Variants in SGCZ observed in about 807,000 individuals in gnomAD.
The protein encoded by SGCZ is sarcoglycan zeta, also known as zeta-sarcoglycan.
SGCZ carries 40 observed loss-of-function variants against 41.3 expected under a neutral mutation model. The ratio of observed to expected loss-of-function variants is 0.97; its 90% confidence interval spans 0.75 to 1.26. The LOEUF is 1.26. Among genes scored for constraint, SGCZ ranks in the 50% most tolerant of loss-of-function variants. SGCZ has a pLI of 0.00. For missense variants in SGCZ, 552 were observed against 369.8 expected (o/e 1.49, Z -4.04); for synonymous variants, 206 against 137.5 (o/e 1.50, Z -3.49).
At chr8:14,594,035 C>A (rs978941682) in intron 1 of SGCZ, among the ~76,000 whole-genome samples, 2 of 151,738 alleles carry the variant, frequency 1.3e-5, no homozygotes, top group Admixed American at 6.6e-5. Context: ...ATTAGCCAGG[C>A]GTGGTGGCAC....
chr8:14,675,079 T>C (rs1185257712), intron 1 of SGCZ, among the ~76,000 whole-genome samples: 2 of 151,192 alleles, frequency 1.3e-5, no homozygotes, highest in Non-Finnish European at 2.9e-5. Context: ...GCTGGGACTA[T>C]AGGCACCCGC....
At chr8:14,849,806 G>T (rs902850014) in intron 1 of SGCZ, among the ~76,000 whole-genome samples, 1 of 152,090 alleles carries the variant, frequency 6.6e-6, no homozygotes, top group African/African-American at 2.4e-5. Flanking sequence ...CAATAAAGTT[G>T]TTATAAGAAA....
At chr8:14,838,644 C>T (rs1051505261) in intron 1 of SGCZ, among the ~76,000 whole-genome samples, 1 of 152,180 alleles carries the variant, frequency 6.6e-6, no homozygotes, top group Non-Finnish European at 1.5e-5. Flanking sequence ...TTTTCCCTGG[C>T]TACTTTTGCC....
chr8:14,431,849 C>T (rs920093668), intron 2 of SGCZ, among the ~76,000 whole-genome samples: 2 of 151,880 alleles, frequency 1.3e-5, no homozygotes, highest in Non-Finnish European at 2.9e-5. Context: ...TAAAACAATC[C>T]CATCAAAAAG....
chr8:14,259,379 CT>C (rs1799573912), intron 3 of SGCZ, among the ~76,000 whole-genome samples: 1 of 151,522 alleles, frequency 6.6e-6, no homozygotes, highest in Admixed American at 6.6e-5. Flanking sequence ...ACATGAAGTC[CT>C]TGCCCATGCC....
chr8:14,909,283 C>G (rs957237435), intron 1 of SGCZ, among the ~76,000 whole-genome samples: 1 of 152,128 alleles, frequency 6.6e-6, no homozygotes, highest in African/African-American at 2.4e-5. Flanking sequence ...GAAAAATCCT[C>G]TAAATCCAGT....
At chr8:14,572,555 G>C (rs1804586425) in intron 1 of SGCZ, among the ~76,000 whole-genome samples, 3 of 152,136 alleles carry the variant, frequency 2.0e-5, no homozygotes, top group Admixed American at 2.0e-4. Context: ...ATAAGACCTT[G>C]AGAAGTTAAG....
intron 1 of SGCZ, among the ~76,000 whole-genome samples, chr8:14,564,907 T>C (rs1375802640): frequency 1.3e-5 from 2 of 152,176 alleles, no homozygotes; most frequent in Admixed American, 1.3e-4. Flanking sequence ...CATTTCAGCA[T>C]AATGATAGTC....
chr8:14,908,961 C>A (rs1799201846), intron 1 of SGCZ, among the ~76,000 whole-genome samples: 1 of 152,040 alleles, frequency 6.6e-6, no homozygotes, highest in African/African-American at 2.4e-5. Flanking sequence ...TATAATTATG[C>A]CTATGTATTT....
intron 4 of SGCZ, among the ~76,000 whole-genome samples, chr8:14,213,251 T>C (rs1805877387): frequency 6.6e-6 from 1 of 152,104 alleles, no homozygotes; most frequent in South Asian, 2.1e-4. Flanking sequence ...GACACATACC[T>C]AAATTTCTGA....
intron 1 of SGCZ, among the ~76,000 whole-genome samples, chr8:14,958,357 G>C (rs1585412798): frequency 1.3e-5 from 2 of 152,100 alleles, no homozygotes; most frequent in African/African-American, 4.8e-5. Context: ...TTGGTCAATG[G>C]ATAAAAGGTT....
intron 1 of SGCZ, among the ~76,000 whole-genome samples, chr8:15,204,917 G>C (rs756592476): frequency 1.3e-4 from 20 of 152,128 alleles, no homozygotes; most frequent in Non-Finnish European, 2.6e-4. Context: ...TAAAAAACCA[G>C]TTAGTGAAAC....
intron 1 of SGCZ, among the ~76,000 whole-genome samples, chr8:15,199,545 G>C (rs1007013218): frequency 6.6e-6 from 1 of 152,074 alleles, no homozygotes; most frequent in Non-Finnish European, 1.5e-5. Flanking sequence ...TTAGCCAGGA[G>C]GGAAAGCATG....
Position 15,199,575 on chromosome 8 carries a change from T to G in SGCZ, c.39+38010A>C, listed in dbSNP as rs181384495. On this transcript the variant is annotated intron_variant, in intron 1 of 7. Coordinates refer to ENST00000382080, the MANE Select transcript of SGCZ (RefSeq NM_139167.4). Reference sequence around the variant, plus strand: ...AGCATGAAGGAAATTATGGCGTCCATTTACGGTTAGAAAGTAAATTAATAG... The same window carrying G: ...AGCATGAAGGAAATTATGGCGTCCAGTTACGGTTAGAAAGTAAATTAATAG... Among the ~76,000 whole-genome samples, 97 of 152,260 alleles carry G rather than the reference T, an allele frequency of 6.4e-4. 2 individuals are homozygous for G. In the South Asian group the frequency reaches 0.011, roughly 18 times the overall value.
chr8:14,413,261 CAA>C (rs1431679139), intron 2 of SGCZ, among the ~76,000 whole-genome samples: 1 of 151,978 alleles, frequency 6.6e-6, no homozygotes. Flanking sequence ...ATTCAATCGA[CAA>C]AGGGTACAGG....
At chr8:14,565,559 T>A (rs1027748399) in intron 1 of SGCZ, among the ~76,000 whole-genome samples, 4 of 152,092 alleles carry the variant, frequency 2.6e-5, no homozygotes, top group Admixed American at 6.6e-5. Flanking sequence ...CATTGGTGAG[T>A]CCTGCTGCAT....
chr8:14,961,640 G>A (rs762463662), intron 1 of SGCZ, among the ~76,000 whole-genome samples: 1 of 152,012 alleles, frequency 6.6e-6, no homozygotes, highest in South Asian at 2.1e-4. Flanking sequence ...TACATATAGG[G>A]TCCACTAGGA....
intron 5 of SGCZ, among the ~76,000 whole-genome samples, chr8:14,140,370 A>G (rs1803332046): frequency 6.6e-6 from 1 of 152,174 alleles, no homozygotes; most frequent in Non-Finnish European, 1.5e-5. Context: ...GGAAAAGAGG[A>G]AGTCAAACTG....
intron 7 of SGCZ, among the ~76,000 whole-genome samples, chr8:14,100,839 T>C (rs1203454604): frequency 6.6e-6 from 1 of 151,880 alleles, no homozygotes; most frequent in African/African-American, 2.4e-5. Flanking sequence ...AGGACTGAAA[T>C]ACTCCAGAAC....
Sources: allele counts gnomAD v4.1 joint callset (sites outside exome capture counted in the v4.1 genomes callset), GRCh38; gene constraint gnomAD v4.1.1; transcripts MANE v1.5; gene names NCBI Gene and HGNC (gene_info 2026-07-23, HGNC 2026-07-21).